Variants in ANKRD22 observed in about 807,000 individuals in gnomAD.
The protein encoded by ANKRD22 is ankyrin repeat domain 22, also known as ankyrin repeat domain-containing protein 22.
ANKRD22 carries 24 observed loss-of-function variants against 25.7 expected under a neutral mutation model. The ratio of observed to expected loss-of-function variants is 0.93; its 90% CI spans 0.68 to 1.31. The LOEUF (loss-of-function observed/expected upper bound fraction) is 1.31. ANKRD22 is among the 50% of genes most tolerant of loss of function. ANKRD22 has a pLI of 0.00. For missense variants in ANKRD22, 214 were observed against 227.1 expected, an observed-to-expected ratio of 0.94 and a Z score of 0.37; for synonymous variants, 84 against 84.3, an observed-to-expected ratio of 1.00 and a Z score of 0.02.
At chr10:88,844,486 C>A (rs1196755796) in intron 1 of ANKRD22, among the ~76,000 whole-genome samples, 2 of 151,962 alleles carry the variant, frequency 1.3e-5, no homozygotes, top group African/African-American at 4.8e-5. Flanking sequence ...TAAACGCCTC[C>A]CATTCTCATC....
intron 2 of ANKRD22, among the ~76,000 whole-genome samples, chr10:88,829,675 T>A (rs963540001): frequency 2.0e-5 from 3 of 148,998 alleles, no homozygotes; most frequent in African/African-American, 7.3e-5. Flanking sequence ...TTTAAACATA[T>A]GATTGTAATG....
intron 1 of ANKRD22, among the ~76,000 whole-genome samples, 172 bp downstream of exon 1, chr10:88,851,415 T>C (rs1170891938): frequency 6.6e-6 from 1 of 152,170 alleles, no homozygotes; most frequent in Admixed American, 6.6e-5. Flanking sequence ...CTTAAACTAT[T>C]AAGAATATCA....
At chr10:88,841,375 A>G (rs1462790656) in intron 1 of ANKRD22, among the ~76,000 whole-genome samples, 4 of 152,102 alleles carry the variant, frequency 2.6e-5, no homozygotes, top group Admixed American at 2.6e-4. Flanking sequence ...AGGAGGGAGT[A>G]AGAGAAAAAA....
rs1162994018 is a variant in ANKRD22, at chr10:88,823,260, C to G, written c.498+20G>C. ...TGCTGCTGCTAGAGGAACCTCAGAC[C>G]ACGGTCCACCCTCCCTTACCTTATT... On this transcript the variant is annotated intron_variant, in intron 5 of 5. Coordinates refer to ENST00000371930, the MANE Select transcript of ANKRD22 (RefSeq NM_144590.3). 1.3e-6 allele frequency: 2 copies of G among 1,595,150 alleles called. No homozygotes were observed. Among genetic ancestry groups the G allele is most frequent in the Admixed American group, 1.7e-5 (1 of 59,958 alleles).
At chr10:88,823,458 C>T in intron 4 of ANKRD22, 80 bp from the exon 5 acceptor site, 1 of 991,440 alleles carries the variant, frequency 1.0e-6, no homozygotes, top group Non-Finnish European at 1.6e-6. Context: ...TTGGCAAATC[C>T]TTTTCACACT....
At chr10:88,824,148 A>C (rs889097655) in intron 4 of ANKRD22, among the ~76,000 whole-genome samples, 13 of 152,256 alleles carry the variant, frequency 8.5e-5, no homozygotes, top group Non-Finnish European at 1.9e-4. Context: ...AGATCAGTGC[A>C]GTTCTACAGA....
At position 88,847,766 on chromosome 10, in the gene ANKRD22, A is replaced by T. The variant is rs982879022; in HGVS notation, c.21+3821T>A. On this transcript the variant is annotated intron_variant, in intron 1 of 5. Transcript: ENST00000371930. ...AGAAAAAGCAAAACAAAAACAAAAT[A>T]AAAAAAAACCCCAAAAAACAAAAAA... Among the ~76,000 whole-genome samples the T allele has an allele frequency of 5.3e-4, 78 of 147,852 alleles. 1 individual carries two copies. Among genetic ancestry groups the T allele is most frequent in the African/African-American group, 1.5e-3 (57 of 38,410 alleles).
Position 88,837,332 on chromosome 10 carries a change from C to A in ANKRD22, c.22-5306G>T, listed in dbSNP as rs148139696. Among the ~76,000 whole-genome samples the A allele has an allele frequency of 6.1e-3, 932 of 152,216 alleles. 10 individuals carry two copies. Among genetic ancestry groups the A allele is most frequent in the African/African-American group, 0.021 (860 of 41,522 alleles). ...TAGCTCAGATCTGAGTCACAGTAAACCCTCAATTAATGTTAGCTACTCTTA... is the reference window on the plus strand; with the variant it reads ...TAGCTCAGATCTGAGTCACAGTAAAACCTCAATTAATGTTAGCTACTCTTA... On this transcript the variant is annotated intron_variant, in intron 1 of 5. Coordinates refer to ENST00000371930, the MANE Select transcript of ANKRD22 (RefSeq NM_144590.3).
At chr10:88,825,864 G>A (rs1020152245) in intron 4 of ANKRD22, among the ~76,000 whole-genome samples, 174 bp downstream of exon 4, 2 of 151,968 alleles carry the variant, frequency 1.3e-5, no homozygotes, top group African/African-American at 4.8e-5. Flanking sequence ...CATGAGTTCA[G>A]CAGAATATAA....
At chr10:88,848,678 C>T (rs1844075927) in intron 1 of ANKRD22, among the ~76,000 whole-genome samples, 1 of 152,124 alleles carries the variant, frequency 6.6e-6, no homozygotes, top group Non-Finnish European at 1.5e-5. Flanking sequence ...AAAACTGTGA[C>T]TCAGAGAGGT....
chr10:88,829,770 T>C (rs970023483), intron 2 of ANKRD22, among the ~76,000 whole-genome samples: 1 of 152,172 alleles, frequency 6.6e-6, no homozygotes. Context: ...TTTTGAGGGT[T>C]TTGTTTTTGT....
intron 3 of ANKRD22, 39 bp from the exon 4 acceptor site, chr10:88,826,154 AAT>A: frequency 6.6e-7 from 1 of 1,524,896 alleles, no homozygotes; most frequent in African/African-American, 1.4e-5. Flanking sequence ...CTTATTTACA[AAT>A]AGTTTCTCCA....
intron 1 of ANKRD22, among the ~76,000 whole-genome samples, chr10:88,834,552 T>C (rs539907205): frequency 6.6e-6 from 1 of 152,370 alleles, no homozygotes; most frequent in South Asian, 2.1e-4. Flanking sequence ...GCTCTTTTTC[T>C]CTTTTCTCAA....
intron 2 of ANKRD22, among the ~76,000 whole-genome samples, chr10:88,830,501 C>T (rs1843893565): frequency 6.6e-6 from 1 of 151,996 alleles, no homozygotes; most frequent in Admixed American, 6.6e-5. Flanking sequence ...TGAGAAATCA[C>T]AGGTTCAAAT....
At chr10:88,830,667 A>G (rs560298700) in intron 2 of ANKRD22, among the ~76,000 whole-genome samples, 1 of 152,354 alleles carries the variant, frequency 6.6e-6, no homozygotes, top group African/African-American at 2.4e-5. Context: ...TTTTTATGAT[A>G]CCAGAAAATC....
At position 88,820,143 on chromosome 10, in the gene ANKRD22, G is replaced by A; in HGVS notation, c.*2798C>T. 1 of 1,076,922 alleles carries A rather than the reference G, an allele frequency of 9.3e-7. No homozygotes were observed. Among genetic ancestry groups the A allele is most frequent in the Non-Finnish European group, 1.3e-6 (1 of 759,506 alleles). 66.7% of individuals were successfully genotyped at this position (1,076,922 alleles called of 1,614,324 possible). ...CCATGTACCCTTCACCACAACAGAT[G>A]GCATGTTTATTATGTCTATTTGAAA... is the stretch of plus-strand genomic sequence containing the variant. On this transcript the variant is annotated 3_prime_UTR_variant, in exon 6 of 6. Coordinates refer to ENST00000371930, the MANE Select transcript of ANKRD22 (RefSeq NM_144590.3).
rs770120889 is a variant in ANKRD22 at position 88,831,829 on chromosome 10, C to A, written c.213+6G>T. On this transcript the variant is annotated splice_donor_region_variant and intron_variant, in intron 2 of 5. Coordinates refer to ENST00000371930, the MANE Select transcript of ANKRD22 (RefSeq NM_144590.3). ...ATTACACTCTCCATTCATGTCATGA[C>A]CTCACCTGGTTTTTGAGGTTGACAT... is the stretch of plus-strand genomic sequence containing the variant. 2 of 1,601,640 alleles carry A rather than the reference C, an allele frequency of 1.2e-6. No homozygotes were observed. Among genetic ancestry groups the A allele is most frequent in the Non-Finnish European group, 8.5e-7 (1 of 1,174,564 alleles).
chr10:88,831,705 G>T, intron 2 of ANKRD22, 130 bp downstream of exon 2: 1 of 905,136 alleles, frequency 1.1e-6, no homozygotes, highest in African/African-American at 1.7e-5. Flanking sequence ...TCTTTCTAAA[G>T]TAGGCTAAGA....
At chr10:88,847,504 C>T (rs1844060691) in intron 1 of ANKRD22, among the ~76,000 whole-genome samples, 1 of 152,124 alleles carries the variant, frequency 6.6e-6, no homozygotes, top group South Asian at 2.1e-4. Context: ...GGTGATCCAC[C>T]TGCCTCAGCT....
Sources: allele counts gnomAD v4.1 joint callset (sites outside exome capture counted in the v4.1 genomes callset), GRCh38; gene constraint gnomAD v4.1.1; transcripts MANE v1.5; gene names NCBI Gene and HGNC (gene_info 2026-07-23, HGNC 2026-07-21).